Variants in XAF1 observed in about 807,000 individuals in gnomAD.
XAF1 encodes XIAP-associated factor 1.
XAF1 carries 32 observed loss-of-function variants against 32.3 expected under a neutral mutation model. The ratio of observed to expected loss-of-function variants is 0.99; its 90% CI spans 0.75 to 1.33. The LOEUF (loss-of-function observed/expected upper bound fraction) is 1.33. Among genes scored for constraint, XAF1 ranks in the 40% most tolerant of loss-of-function variants. The pLI, the probability that XAF1 is intolerant of heterozygous loss-of-function variation, is 0.00. For synonymous variants in XAF1, 120 were observed against 125.9 expected (o/e 0.95, Z 0.31); for missense variants, 379 against 366.0 (o/e 1.04, Z -0.29).
intron 5 of XAF1, among the ~76,000 whole-genome samples, chr17:6,764,051 G>C (rs568094393): frequency 1.3e-5 from 2 of 152,180 alleles, no homozygotes. Flanking sequence ...AAGGCTACAG[G>C]GAAGTGGGGA....
intron 5 of XAF1, among the ~76,000 whole-genome samples, chr17:6,765,389 G>A (rs972358869): frequency 6.6e-6 from 1 of 152,048 alleles, no homozygotes; most frequent in African/African-American, 2.4e-5. Flanking sequence ...CTGCAGCCTG[G>A]GCGACAGAGC....
At chr17:6,769,767 G>A (rs1363940130) in intron 5 of XAF1, among the ~76,000 whole-genome samples, 1 of 152,040 alleles carries the variant, frequency 6.6e-6, no homozygotes, top group Non-Finnish European at 1.5e-5. Flanking sequence ...TTCTGCTCAG[G>A]GATTCCCAGA....
intron 5 of XAF1, among the ~76,000 whole-genome samples, chr17:6,769,868 C>T (rs1278738109): frequency 6.6e-6 from 1 of 152,222 alleles, no homozygotes; most frequent in East Asian, 1.9e-4. Flanking sequence ...TTCATCTCCA[C>T]ACTCAAATAC....
intron 5 of XAF1, among the ~76,000 whole-genome samples, chr17:6,765,925 AT>A (rs1247927017): frequency 3.3e-5 from 5 of 152,124 alleles, no homozygotes; most frequent in Non-Finnish European, 5.9e-5. Context: ...GGCTTTAGAG[AT>A]CTATGTCATC....
intron 1 of XAF1, among the ~76,000 whole-genome samples, chr17:6,756,599 G>A (rs529360621): frequency 6.6e-6 from 1 of 152,164 alleles, no homozygotes; most frequent in Non-Finnish European, 1.5e-5. Flanking sequence ...CGCGGAATCT[G>A]ACCGATCAAA....
chr17:6,766,793 G>A (rs910005317), intron 5 of XAF1, among the ~76,000 whole-genome samples: 9 of 152,242 alleles, frequency 5.9e-5, no homozygotes, highest in African/African-American at 1.9e-4. Context: ...AAATTCCCCT[G>A]AGTACAACTA....
In XAF1 at chr17:6,756,046, G is replaced by A. The variant is rs372936289; in HGVS notation, c.-33G>A. ...TTTTGTTTCCTTGCCTGCAAGAAAC[G>A]AAACTCAACCGAAAGCCTGCAGAGA... On this transcript the variant is annotated 5_prime_UTR_variant, in exon 1 of 7. Coordinates refer to ENST00000361842, the MANE Select transcript of XAF1 (RefSeq NM_017523.5). 249 of 1,613,726 alleles carry A rather than the reference G, an allele frequency of 1.5e-4. No homozygotes were observed. The highest frequency in any genetic ancestry group is 6.7e-4 in the African/African-American group (50 of 74,968).
chr17:6,773,240 T>C lies in XAF1; in HGVS notation c.*71T>C. Reference sequence around the variant, plus strand: ...AACACTGGCATTCCTGCCTACTTGCTGTGGTGGTCTTGTGAAAGGTGATGG... The same window carrying C: ...AACACTGGCATTCCTGCCTACTTGCCGTGGTGGTCTTGTGAAAGGTGATGG... On this transcript the variant is annotated 3_prime_UTR_variant, in exon 7 of 7. Coordinates refer to ENST00000361842, the MANE Select transcript of XAF1 (RefSeq NM_017523.5). 1 of 1,404,232 alleles carries C rather than the reference T, an allele frequency of 7.1e-7. No individual in the cohort carries two copies. The highest frequency in any genetic ancestry group is 1.3e-5 in the South Asian group (1 of 76,118). 87.0% of individuals were successfully genotyped at this position (1,404,232 alleles called of 1,614,324 possible). A position where few individuals can be genotyped will look rare whatever the true frequency, so the allele number is the denominator to read the frequency against.
At chr17:6,773,005 G>A (rs1976169057) in intron 6 of XAF1, 108 bp from the exon 7 acceptor site, 1 of 964,826 alleles carries the variant, frequency 1.0e-6, no homozygotes, top group Admixed American at 2.9e-5. Context: ...TCCAGTCTTT[G>A]GGCAGGGCTC....
In XAF1 at chr17:6,762,207, A is replaced by T. The variant is rs746333325; in HGVS notation, c.474A>T (p.Gln158His). 1 of 1,613,556 alleles carries T rather than the reference A, an allele frequency of 6.2e-7. No homozygotes were observed. Among genetic ancestry groups the T allele is most frequent in the South Asian group, 1.1e-5 (1 of 90,984 alleles). The change falls in exon 5 of 7, where the codon CAA (glutamine) becomes CAT (histidine). Residue 158 changes from glutamine to histidine, a missense_variant. Physicochemically the swap from Gln to His is conservative, Grantham distance 24 (BLOSUM62 0). Coordinates refer to ENST00000361842, the MANE Select transcript of XAF1 (RefSeq NM_017523.5). ...EREIYCHYCN[Q>H]MIPENKYFHH... ...AAATCTACTGTCATTATTGCAACCA[A>T]ATGATTCCAGAAAATAAGTATTTCC...
chr17:6,759,746 A>G (rs762541132), intron 3 of XAF1, 28 bp downstream of exon 3: 1 of 1,613,954 alleles, frequency 6.2e-7, no homozygotes, highest in East Asian at 2.2e-5. Context: ...TTTCTCCTTT[A>G]CAGCCAAATA....
chr17:6,767,962 G>A (rs918506546), intron 5 of XAF1, among the ~76,000 whole-genome samples: 1 of 152,044 alleles, frequency 6.6e-6, no homozygotes, highest in East Asian at 1.9e-4. Flanking sequence ...ATAGATTTGA[G>A]AACATGTTAA....
At position 6,760,449 on chromosome 17, in the gene XAF1, A is replaced by C. The variant is rs1013842515; in HGVS notation, c.269A>C (p.Lys90Thr). ...CGCCCTGTTGAGTGTAAGTTCTGCA[A>C]ACTGGACATGCAGCTCAGCAAGCTG... ...QERPVECKFC[K>T]LDMQLSKLEL... Residue 90 changes from lysine to threonine, a missense_variant, in exon 4 of 7, where the codon AAA becomes ACA. Physicochemically the swap from Lys to Thr is moderately conservative, Grantham distance 78. Transcript: ENST00000361842. The C allele has an allele frequency of 6.2e-7, 1 of 1,613,332 alleles. No homozygotes were observed. The highest frequency in any genetic ancestry group is 8.5e-7 in the Non-Finnish European group (1 of 1,179,752).
chr17:6,767,496 T>C (rs1490662474), intron 5 of XAF1, among the ~76,000 whole-genome samples: 1 of 152,132 alleles, frequency 6.6e-6, no homozygotes, highest in Non-Finnish European at 1.5e-5. Context: ...TAAGAGAAAA[T>C]AGCTGTTAAC....
At chr17:6,758,330 C>A in intron 2 of XAF1, 106 bp downstream of exon 2, 2 of 1,504,416 alleles carry the variant, frequency 1.3e-6, no homozygotes, top group Middle Eastern at 2.0e-4. Context: ...GTCTAGTCCT[C>A]CCTGCAGGTG....
intron 5 of XAF1, among the ~76,000 whole-genome samples, chr17:6,763,072 A>G (rs1975341957): frequency 6.6e-6 from 1 of 152,198 alleles, no homozygotes; most frequent in African/African-American, 2.4e-5. Context: ...GTTCTAGAAT[A>G]TTTTCATCAT....
intron 4 of XAF1, 83 bp from the exon 5 acceptor site, chr17:6,762,072 A>G (rs1026147577): frequency 1.9e-6 from 3 of 1,603,290 alleles, no homozygotes; most frequent in Non-Finnish European, 2.6e-6. Context: ...TCATGAGCAC[A>G]GGCCATGTAT....
At chr17:6,767,540 ATACTT>A (rs1281171154) in intron 5 of XAF1, among the ~76,000 whole-genome samples, 1 of 152,238 alleles carries the variant, frequency 6.6e-6, no homozygotes, top group Non-Finnish European at 1.5e-5. Context: ...GGCTTGAACT[ATACTT>A]TGTTTGTTTT....
intron 5 of XAF1, among the ~76,000 whole-genome samples, chr17:6,767,874 C>T (rs535388000): frequency 1.3e-5 from 2 of 152,186 alleles, no homozygotes; most frequent in East Asian, 1.9e-4. Context: ...AATAGTTACC[C>T]TTAACATTTT....
Sources: allele counts gnomAD v4.1 joint callset (sites outside exome capture counted in the v4.1 genomes callset), GRCh38; gene constraint gnomAD v4.1.1; transcripts MANE v1.5; gene names NCBI Gene and HGNC (gene_info 2026-07-23, HGNC 2026-07-21).